The following AGBL1 variants were observed in gnomAD, a reference collection of about 807,000 sequenced individuals.
AGBL1 encodes cytosolic carboxypeptidase 4.
In AGBL1, 130 loss-of-function variants were observed where a neutral mutation model predicts 118.9. The observed-to-expected ratio is 1.09, with a 90% confidence interval of 0.95 to 1.26. The LOEUF is 1.26. Ranked by LOEUF, AGBL1 falls within the 50% of genes most tolerant of loss-of-function variation. The pLI is 0.00. For missense variants in AGBL1, 1,584 were observed against 1,298.1 expected (o/e 1.22, Z -3.38); for synonymous variants, 555 against 478.9 (o/e 1.16, Z -2.08).
At chr15:86,343,127 T>C (rs2080486826) in intron 17 of AGBL1, among the ~76,000 whole-genome samples, 1 of 152,180 alleles carries the variant, frequency 6.6e-6, no homozygotes, top group Admixed American at 6.5e-5. Flanking sequence ...CTCCCCAGTA[T>C]CCCATATCTA....
At chr15:86,831,479 AC>A (rs1168845411) in intron 22 of AGBL1, among the ~76,000 whole-genome samples, 5 of 152,202 alleles carry the variant, frequency 3.3e-5, no homozygotes, top group African/African-American at 1.2e-4. Context: ...GGGTAAATAC[AC>A]CCAAATGGGA....
At chr15:86,193,671 C>T (rs947041932) in intron 5 of AGBL1, among the ~76,000 whole-genome samples, 5 of 152,102 alleles carry the variant, frequency 3.3e-5, no homozygotes, top group Non-Finnish European at 7.3e-5. Context: ...AACAAGGGAT[C>T]GTGTTTCTTA....
At chr15:86,700,128 A>G (rs981019638) in intron 22 of AGBL1, among the ~76,000 whole-genome samples, 1 of 151,830 alleles carries the variant, frequency 6.6e-6, no homozygotes, top group Non-Finnish European at 1.5e-5. Context: ...CTTACAATTC[A>G]TTATTTTATT....
At chr15:86,179,285 A>T (rs985185579) in intron 5 of AGBL1, among the ~76,000 whole-genome samples, 2 of 152,250 alleles carry the variant, frequency 1.3e-5, no homozygotes, top group African/African-American at 4.8e-5. Flanking sequence ...TGTTGACACC[A>T]ATATCTTTTA....
intron 5 of AGBL1, among the ~76,000 whole-genome samples, chr15:86,198,445 G>A (rs547787633): frequency 6.6e-6 from 1 of 152,260 alleles, no homozygotes; most frequent in Non-Finnish European, 1.5e-5. Context: ...TGGAGTGGAT[G>A]TACTTTGCAA....
chr15:86,374,100 A>C (rs2081005071), intron 17 of AGBL1, among the ~76,000 whole-genome samples: 4 of 152,204 alleles, frequency 2.6e-5, no homozygotes, highest in African/African-American at 7.2e-5. Context: ...ACTCAAGTCT[A>C]GAGTGTTTAC....
chr15:86,567,491 G>C (rs904487423), intron 21 of AGBL1, among the ~76,000 whole-genome samples: 1 of 152,170 alleles, frequency 6.6e-6, no homozygotes, highest in Non-Finnish European at 1.5e-5. Context: ...AGAAAGAAAG[G>C]CATGAAGAGT....
intron 18 of AGBL1, among the ~76,000 whole-genome samples, chr15:86,449,254 G>C (rs986819482): frequency 2.6e-5 from 4 of 152,194 alleles, no homozygotes; most frequent in Admixed American, 2.6e-4. Flanking sequence ...CAGACACTAT[G>C]CTTAAGCACT....
chr15:86,479,627 TTTACA>T (rs2082619930), intron 18 of AGBL1, among the ~76,000 whole-genome samples: 1 of 152,152 alleles, frequency 6.6e-6, no homozygotes, highest in East Asian at 1.9e-4. Context: ...TTTACCCTGT[TTTACA>T]GGTGGCACTG....
At chr15:86,294,402 CAAAAAAAAAAAAAAA>C (rs35878636) in intron 16 of AGBL1, among the ~76,000 whole-genome samples, 3 of 63,558 alleles carry the variant, frequency 4.7e-5, no homozygotes, top group Non-Finnish European at 8.4e-5. Context: ...GACTTTGTCT[CAAAAAAAAAAAAAAA>C]AAAAAAAAAG....
At chr15:86,956,780 G>C (rs189731931) in intron 23 of AGBL1, among the ~76,000 whole-genome samples, 57 of 152,066 alleles carry the variant, frequency 3.7e-4, no homozygotes, top group African/African-American at 1.4e-3. Context: ...TTACTATTTA[G>C]CAATGAGAAG....
intron 5 of AGBL1, among the ~76,000 whole-genome samples, chr15:86,195,551 A>G (rs1277059815): frequency 1.3e-5 from 2 of 152,220 alleles, no homozygotes; most frequent in Non-Finnish European, 2.9e-5. Context: ...TTGGATATCT[A>G]TTACAGCTTC....
At chr15:86,123,363 C>A (rs1323963611) in intron 1 of AGBL1, among the ~76,000 whole-genome samples, 1 of 152,142 alleles carries the variant, frequency 6.6e-6, no homozygotes, top group Non-Finnish European at 1.5e-5. Flanking sequence ...CCTCAGCCTC[C>A]TGAGTAGCTG....
At chr15:86,872,753 C>G (rs1359602134) in intron 22 of AGBL1, among the ~76,000 whole-genome samples, 1 of 152,130 alleles carries the variant, frequency 6.6e-6, no homozygotes, top group African/African-American at 2.4e-5. Flanking sequence ...GAGACTCCGT[C>G]TATAAATAAA....
chr15:86,504,443 T>C (rs1264234851), intron 18 of AGBL1, among the ~76,000 whole-genome samples: 2 of 151,624 alleles, frequency 1.3e-5, no homozygotes, highest in Admixed American at 6.6e-5. Flanking sequence ...TTTATGTATG[T>C]CATTTTGCTA....
At chr15:86,286,774 T>G (rs1265613867) in intron 16 of AGBL1, among the ~76,000 whole-genome samples, 2 of 145,612 alleles carry the variant, frequency 1.4e-5, no homozygotes, top group Non-Finnish European at 3.0e-5. Flanking sequence ...CGCACTGTGG[T>G]CGTTTCCATA....
At chr15:86,216,478 G>T (rs2078190640) in intron 5 of AGBL1, among the ~76,000 whole-genome samples, 1 of 152,088 alleles carries the variant, frequency 6.6e-6, no homozygotes, top group Admixed American at 6.6e-5. Context: ...AAATATGATG[G>T]ATTTTATCAA....
At chr15:86,236,434 A>T (rs1228861682) in intron 6 of AGBL1, among the ~76,000 whole-genome samples, 2 of 151,468 alleles carry the variant, frequency 1.3e-5, no homozygotes, top group Non-Finnish European at 2.9e-5. Context: ...GAATGGAAGC[A>T]TTGGGGTCAC....
At chr15:86,752,722 A>G (rs1292262360) in intron 22 of AGBL1, among the ~76,000 whole-genome samples, 1 of 152,062 alleles carries the variant, frequency 6.6e-6, no homozygotes, top group Non-Finnish European at 1.5e-5. Context: ...AAGAATAGAT[A>G]CCTTTGAAGC....
Sources: allele counts gnomAD v4.1 joint callset (sites outside exome capture counted in the v4.1 genomes callset), GRCh38; gene constraint gnomAD v4.1.1; transcripts MANE v1.5; gene names NCBI Gene and HGNC (gene_info 2026-07-23, HGNC 2026-07-21).